The following PSD3 variants were observed in gnomAD, a reference collection of about 807,000 sequenced individuals.
The protein encoded by PSD3 is pleckstrin and Sec7 domain containing 3, also known as PH and SEC7 domain-containing protein 3.
PSD3 carries 49 observed loss-of-function variants against 105.5 expected under a neutral mutation model. The ratio of observed to expected loss-of-function variants is 0.46; its 90% CI spans 0.37 to 0.59. The LOEUF is 0.59. PSD3 is among the 20% of genes least tolerant of loss of function. PSD3 has a pLI of 0.00. For missense variants in PSD3, 1,561 were observed against 1,263.8 expected, an observed-to-expected ratio of 1.24 and a Z score of -3.57; for synonymous variants, 557 against 457.8, an observed-to-expected ratio of 1.22 and a Z score of -2.77.
chr8:19,015,017 C>A (rs149050718), upstream of PSD3, among the ~76,000 whole-genome samples: 84 of 152,276 alleles, frequency 5.5e-4, no homozygotes, highest in African/African-American at 1.9e-3. Context: ...GCACCCCAGT[C>A]ACTTGGGCAT....
At chr8:18,966,851 T>C (rs1447924859) in intron 1 of PSD3, among the ~76,000 whole-genome samples, 3 of 152,138 alleles carry the variant, frequency 2.0e-5, no homozygotes, top group Non-Finnish European at 4.4e-5. Context: ...AATTTTCAAA[T>C]TAGTCTTAAA....
intron 1 of PSD3, among the ~76,000 whole-genome samples, chr8:19,052,249 G>A (rs191902661): frequency 3.9e-5 from 6 of 152,226 alleles, no homozygotes; most frequent in Non-Finnish European, 5.9e-5. Context: ...CGGGGTGGGC[G>A]GATCCCAAGG....
intron 9 of PSD3, among the ~76,000 whole-genome samples, chr8:18,667,091 A>G (rs980062649): frequency 2.0e-5 from 3 of 152,124 alleles, no homozygotes; most frequent in Non-Finnish European, 2.9e-5. Flanking sequence ...GTTACAGCTC[A>G]TAAAGGCAGT....
At chr8:18,927,052 T>C (rs959154575) in intron 2 of PSD3, among the ~76,000 whole-genome samples, 7 of 152,196 alleles carry the variant, frequency 4.6e-5, no homozygotes, top group Admixed American at 1.3e-4. Flanking sequence ...TTACATTTAC[T>C]GGCTTATTAT....
intron 1 of PSD3, among the ~76,000 whole-genome samples, chr8:18,954,875 T>C (rs1319298502): frequency 2.6e-5 from 4 of 152,146 alleles, no homozygotes; most frequent in Non-Finnish European, 4.4e-5. Context: ...AACATTAATC[T>C]TTCCACCCTC....
chr8:18,564,628 C>CAAA (rs59766811), intron 14 of PSD3, among the ~76,000 whole-genome samples: 262 of 112,360 alleles, frequency 2.3e-3, no homozygotes, highest in Non-Finnish European at 2.9e-3. Context: ...GACCTTGTCT[C>CAAA]AAAAAAAAAA....
chr8:18,664,036 A>C lies in PSD3; in HGVS notation c.2173-8351T>G, dbSNP rs149557206. Among the ~76,000 whole-genome samples the C allele has an allele frequency of 3.9e-5, 6 of 152,356 alleles. No individual in the cohort carries two copies. In the East Asian group the frequency reaches 1.2e-3, roughly 29 times the overall value. ...CATCTCCACATAAGATGGTAAACTTAATAAATGTTATGTGTTCTGAGCACT... is the reference window on the plus strand; with the variant it reads ...CATCTCCACATAAGATGGTAAACTTCATAAATGTTATGTGTTCTGAGCACT... On this transcript the variant is annotated intron_variant, in intron 9 of 15. Coordinates refer to ENST00000327040, the MANE Select transcript of PSD3 (RefSeq NM_015310.4).
chr8:18,828,035 T>A (rs1398416227), intron 4 of PSD3, among the ~76,000 whole-genome samples: 7 of 136,826 alleles, frequency 5.1e-5, no homozygotes, highest in Admixed American at 1.5e-4. Context: ...TACATATATA[T>A]AATATATATA....
At chr8:18,986,520 G>T (rs1207290013) in intron 1 of PSD3, among the ~76,000 whole-genome samples, 1 of 145,202 alleles carries the variant, frequency 6.9e-6, no homozygotes, top group East Asian at 2.0e-4. Context: ...ACATTCTCAG[G>T]AAGTCCATAA....
chr8:18,879,051 A>AACACACACACACACACAC (rs59598569), intron 2 of PSD3, among the ~76,000 whole-genome samples: 55 of 138,466 alleles, frequency 4.0e-4, no homozygotes, highest in South Asian at 7.2e-4. Context: ...CACACACACA[A>AACACACACACACACACAC]ACACACACAC....
chr8:18,722,421 T>C (rs945313876), intron 9 of PSD3, among the ~76,000 whole-genome samples: 4 of 152,196 alleles, frequency 2.6e-5, no homozygotes, highest in African/African-American at 4.8e-5. Flanking sequence ...TTGAAAACAC[T>C]AATCACAGTT....
intron 4 of PSD3, among the ~76,000 whole-genome samples, chr8:18,832,603 C>T (rs1315053676): frequency 1.3e-5 from 2 of 152,194 alleles, no homozygotes; most frequent in Non-Finnish European, 2.9e-5. Flanking sequence ...GTGTGTCAGA[C>T]ATAATGGTCA....
chr8:18,802,470 T>C (rs970612198), intron 6 of PSD3: 6 of 228,926 alleles, frequency 2.6e-5, no homozygotes, highest in East Asian at 9.1e-5. Context: ...TTCCTTATTA[T>C]AGGTATAATT....
intron 1 of PSD3, among the ~76,000 whole-genome samples, chr8:18,961,662 G>T (rs940969951): frequency 3.9e-5 from 6 of 152,200 alleles, no homozygotes; most frequent in African/African-American, 1.2e-4. Flanking sequence ...CTGCACTCCA[G>T]CCTGGGTGAC....
Position 18,632,726 on chromosome 8 carries a change from C to A in PSD3, c.2297G>T (p.Arg766Leu), listed in dbSNP as rs376989905. 3 of 1,607,778 alleles carry A rather than the reference C, an allele frequency of 1.9e-6. No individual in the cohort carries two copies. The highest frequency in any genetic ancestry group is 2.2e-5 in the South Asian group (2 of 90,938). Residue 766 changes from arginine to leucine, a missense_variant, in exon 11 of 16, where the codon CGT becomes CTT. Arg to Leu is a moderately radical substitution (Grantham distance 102, BLOSUM62 -2). Coordinates refer to ENST00000327040, the MANE Select transcript of PSD3 (RefSeq NM_015310.4). ...AAATGGGTTAGTAGTACTTCCAATA[C>A]GACTGATGGTCTTTGGATGTGTTCC... Reference protein sequence around the residue: ...ANGTHPKTISRIGSTTNPFLD... With the variant: ...ANGTHPKTISLIGSTTNPFLD...
At chr8:18,847,952 G>A (rs576662553) in intron 4 of PSD3, among the ~76,000 whole-genome samples, 1 of 152,114 alleles carries the variant, frequency 6.6e-6, no homozygotes, top group African/African-American at 2.4e-5. Flanking sequence ...TAAATATTCA[G>A]GGAAGAAAAA....
chr8:18,983,387 C>T (rs1825337924), intron 1 of PSD3, among the ~76,000 whole-genome samples: 1 of 152,194 alleles, frequency 6.6e-6, no homozygotes, highest in African/African-American at 2.4e-5. Flanking sequence ...CCTTCCAGAA[C>T]TTTTCTTTTA....
rs996569942 is a variant in PSD3, at chr8:18,530,552, A to ATTTT, written c.*5187_*5190dup. The ATTTT allele has an allele frequency of 3.3e-5, 5 of 152,634 alleles. No homozygotes were observed. The highest frequency in any genetic ancestry group is 7.3e-5 in the Non-Finnish European group (5 of 68,042). 9.5% of individuals were successfully genotyped at this position (152,634 alleles called of 1,614,324 possible). ...GGTACTTAATTCTTCCGAAAGCTATATTTTTTATGGACTAATTACAACAAC... is the reference window on the plus strand; with the variant it reads ...GGTACTTAATTCTTCCGAAAGCTATATTTTTTTTTTATGGACTAATTACAACAAC... On this transcript the variant is annotated 3_prime_UTR_variant, in exon 16 of 16. Coordinates refer to ENST00000327040, the MANE Select transcript of PSD3 (RefSeq NM_015310.4).
chr8:18,821,717 A>ACACACACACACACACACACC (rs1554513425), intron 4 of PSD3, among the ~76,000 whole-genome samples: 48 of 141,220 alleles, frequency 3.4e-4, no homozygotes, highest in South Asian at 9.1e-4. Flanking sequence ...ACACACACAC[A>ACACACACACACACACACACC]CCCCAATAAC....
Sources: gnomAD v4.1 joint callset for allele counts (sites outside exome capture counted in the v4.1 genomes callset) on GRCh38, gnomAD v4.1.1 for gene constraint, MANE v1.5 for transcripts, NCBI Gene and HGNC (gene_info 2026-07-23, HGNC 2026-07-21) for gene names.